GRID2: variants seen among roughly 807,000 people sequenced by gnomAD.
GRID2 encodes glutamate ionotropic receptor delta type subunit 2, also known as glutamate receptor ionotropic, delta-2.
Under a neutral mutation model 114.8 loss-of-function variants are expected in GRID2, and 33 were observed. The ratio of observed to expected loss-of-function variants is 0.29; its 90% CI spans 0.22 to 0.38. GRID2 has a LOEUF of 0.38. GRID2 is among the 10% of genes least tolerant of loss of function. The pLI is 1.00. For synonymous variants in GRID2, 505 were observed against 449.9 expected, an observed-to-expected ratio of 1.12 and a Z score of -1.55; for missense variants, 1,184 against 1,257.7, an observed-to-expected ratio of 0.94 and a Z score of 0.89.
At chr4:93,039,177 A>G (rs905668326) in intron 2 of GRID2, among the ~76,000 whole-genome samples, 3 of 152,200 alleles carry the variant, frequency 2.0e-5, no homozygotes, top group Admixed American at 1.3e-4. Flanking sequence ...AGGAACATGG[A>G]TGAAGATGGA....
At chr4:92,490,913 C>A (rs1399726835) in intron 1 of GRID2, among the ~76,000 whole-genome samples, 1 of 151,856 alleles carries the variant, frequency 6.6e-6, no homozygotes, top group Non-Finnish European at 1.5e-5. Flanking sequence ...GAAATCCATA[C>A]AATTGAAACA....
intron 10 of GRID2, among the ~76,000 whole-genome samples, chr4:93,423,701 A>G (rs1768563921): frequency 6.6e-6 from 1 of 151,992 alleles, no homozygotes; most frequent in Non-Finnish European, 1.5e-5. Flanking sequence ...TGTTCTTTCA[A>G]TTCTCAGAAA....
At chr4:93,103,866 C>A (rs1731936195) in intron 3 of GRID2, among the ~76,000 whole-genome samples, 1 of 149,596 alleles carries the variant, frequency 6.7e-6, no homozygotes, top group Admixed American at 6.7e-5. Flanking sequence ...TGTTTTTTTC[C>A]TGAGCGTTTC....
intron 9 of GRID2, among the ~76,000 whole-genome samples, chr4:93,414,536 G>A (rs1469404449): frequency 6.6e-6 from 1 of 151,946 alleles, no homozygotes; most frequent in African/African-American, 2.4e-5. Context: ...ACTCTTAACT[G>A]CTGTATTTAT....
intron 1 of GRID2, among the ~76,000 whole-genome samples, chr4:92,311,268 A>G (rs1725696490): frequency 1.3e-5 from 2 of 152,096 alleles, no homozygotes; most frequent in Admixed American, 1.3e-4. Context: ...AAAGTAGAGT[A>G]TAAAGAAAGC....
chr4:93,185,704 T>A (rs919688579), intron 4 of GRID2, among the ~76,000 whole-genome samples: 2 of 152,214 alleles, frequency 1.3e-5, no homozygotes, highest in East Asian at 1.9e-4. Context: ...ACAGGTTTTT[T>A]AAAAATAGTA....
chr4:93,176,682 G>A (rs1739372931), intron 4 of GRID2, among the ~76,000 whole-genome samples: 1 of 151,876 alleles, frequency 6.6e-6, no homozygotes. Context: ...ATTGTCTTTA[G>A]TGTCTGAAGG....
At chr4:92,363,509 C>T (rs1315056334) in intron 1 of GRID2, among the ~76,000 whole-genome samples, 8 of 152,012 alleles carry the variant, frequency 5.3e-5, no homozygotes, top group African/African-American at 1.9e-4. Context: ...ATACACTCTT[C>T]AAAATTGATA....
rs558753487 is a variant in GRID2, at chr4:92,984,001, A to G, written c.245-100994A>G. 5.9e-3 allele frequency among the ~76,000 whole-genome samples: 903 copies of G among 152,342 alleles called. 4 individuals are homozygous for G. Among genetic ancestry groups the G allele is most frequent in the Middle Eastern group, 0.01 (3 of 294 alleles). Reference sequence around the variant, plus strand: ...CAACATGTAACTTTGGACAGGGTACATAACCTCTTTGGCCCTCAGTGTTTT... The same window carrying G: ...CAACATGTAACTTTGGACAGGGTACGTAACCTCTTTGGCCCTCAGTGTTTT... On this transcript the variant is annotated intron_variant, in intron 2 of 15. Transcript: ENST00000282020.
At chr4:93,293,205 A>G (rs1351304956) in intron 8 of GRID2, among the ~76,000 whole-genome samples, 1 of 152,158 alleles carries the variant, frequency 6.6e-6, no homozygotes, top group African/African-American at 2.4e-5. Flanking sequence ...TAAAATATTC[A>G]TTCAATTAAC....
rs576699254 is a variant in GRID2, at chr4:93,189,495, CT to C, written c.736-17908del. Among the ~76,000 whole-genome samples the C allele has an allele frequency of 6.6e-5, 10 of 152,250 alleles. No individual in the cohort carries two copies. The East Asian group carries it at 1.9e-3, about 29-fold the overall frequency. On this transcript the variant is annotated intron_variant, in intron 4 of 15. Coordinates refer to ENST00000282020, the MANE Select transcript of GRID2 (RefSeq NM_001510.4). ...TCTTCTAATACCAGCACCTTCATGA[CT>C]AGGTTTCAACACAGGAATTTTGGAG...
At chr4:92,517,375 TTTA>T (rs1192298911) in intron 1 of GRID2, among the ~76,000 whole-genome samples, 1 of 151,940 alleles carries the variant, frequency 6.6e-6, no homozygotes, top group Non-Finnish European at 1.5e-5. Context: ...TTTCATCATA[TTTA>T]TTGAGAGCTG....
intron 2 of GRID2, among the ~76,000 whole-genome samples, chr4:92,890,649 T>A (rs771371148): frequency 2.6e-5 from 4 of 152,192 alleles, no homozygotes; most frequent in Non-Finnish European, 5.9e-5. Context: ...ATAGGAATGC[T>A]TTTACACTGT....
At chr4:92,580,548 A>T (rs1032275101) in intron 1 of GRID2, among the ~76,000 whole-genome samples, 2 of 152,028 alleles carry the variant, frequency 1.3e-5, no homozygotes, top group South Asian at 4.1e-4. Context: ...TTTTCATCTC[A>T]AAGTAGAGTA....
chr4:92,801,194 C>T (rs1740148219), intron 2 of GRID2, among the ~76,000 whole-genome samples: 1 of 151,966 alleles, frequency 6.6e-6, no homozygotes, highest in Non-Finnish European at 1.5e-5. Flanking sequence ...CAACACACTA[C>T]GGGCTCTTCC....
intron 2 of GRID2, among the ~76,000 whole-genome samples, chr4:92,641,912 C>A (rs1421279449): frequency 6.7e-6 from 1 of 149,752 alleles, no homozygotes; most frequent in African/African-American, 2.4e-5. Context: ...CATTAATTTG[C>A]TTTGGAATGA....
At chr4:92,838,347 G>C (rs1379468865) in intron 2 of GRID2, among the ~76,000 whole-genome samples, 1 of 152,000 alleles carries the variant, frequency 6.6e-6, no homozygotes, top group Admixed American at 6.6e-5. Flanking sequence ...TACCAGATGG[G>C]AGTGATGTGT....
intron 8 of GRID2, among the ~76,000 whole-genome samples, chr4:93,355,940 C>T (rs79583396): frequency 0.054 from 8,187 of 152,080 alleles, 283 homozygotes; most frequent in Middle Eastern, 0.2. Flanking sequence ...CTCTCAAAAT[C>T]CGCTGGTGCC....
Position 93,235,553 on chromosome 4 carries a change from T to G in GRID2, c.1126-2818T>G, listed in dbSNP as rs74603931. On this transcript the variant is annotated intron_variant, in intron 7 of 15. Coordinates refer to ENST00000282020, the MANE Select transcript of GRID2 (RefSeq NM_001510.4). Reference sequence around the variant, plus strand: ...GCAATCCAAAATCAGAGAGGTTAAGTCTGGGTGATATAACAATAGGTTTTA... The same window carrying G: ...GCAATCCAAAATCAGAGAGGTTAAGGCTGGGTGATATAACAATAGGTTTTA... 9.0e-3 allele frequency among the ~76,000 whole-genome samples: 1,377 copies of G among 152,206 alleles called. 10 individuals are homozygous for G. Among genetic ancestry groups the G allele is most frequent in the South Asian group, 0.016 (79 of 4,830 alleles).
Sources: allele counts gnomAD v4.1 joint callset (sites outside exome capture counted in the v4.1 genomes callset), GRCh38; gene constraint gnomAD v4.1.1; transcripts MANE v1.5; gene names NCBI Gene and HGNC (gene_info 2026-07-23, HGNC 2026-07-21).